Variants in TANGO6 observed in about 807,000 individuals in gnomAD.
TANGO6 encodes the protein transport and Golgi organization protein 6 homolog.
TANGO6 carries 90 observed loss-of-function variants against 114.2 expected under a neutral mutation model. The observed-to-expected ratio is 0.79, with a 90% CI of 0.66 to 0.94. The LOEUF (loss-of-function observed/expected upper bound fraction) is 0.94. Ranked by LOEUF, TANGO6 falls within the 40% of genes least tolerant of loss-of-function variation. The pLI, the probability that TANGO6 is intolerant of heterozygous loss-of-function variation, is 0.00. For missense variants in TANGO6, 1,274 were observed against 1,315.3 expected, an observed-to-expected ratio of 0.97 and a Z score of 0.49; for synonymous variants, 477 against 509.8, an observed-to-expected ratio of 0.94 and a Z score of 0.87.
chr16:69,020,990 C>T (rs1959396857), intron 15 of TANGO6, among the ~76,000 whole-genome samples: 1 of 151,258 alleles, frequency 6.6e-6, no homozygotes, highest in South Asian at 2.1e-4. Context: ...CTACTGTTGT[C>T]TTTCCAGCTA....
At position 68,928,021 on chromosome 16, in the gene TANGO6, C is replaced by G. The variant is rs778832547; in HGVS notation, c.2581C>G (p.Leu861Val). ...AACACGGGCTGCTGCCCTGCGTACT[C>G]TTTCCCACTGGATAGAGCAGAGAGA... ...IPTRAAALRT[L>V]SHWIEQREAK... Residue 861 changes from leucine to valine, a missense_variant, in exon 13 of 18, where the codon CTT becomes GTT. Around this residue, in one of 5 missense-constraint regions of TANGO6, gnomAD observed 908 missense variants for 910.2 expected, o/e 1.00. Transcript: ENST00000261778. 3 of 1,607,736 alleles carry G rather than the reference C, an allele frequency of 1.9e-6. No individual in the cohort carries two copies. Among genetic ancestry groups the G allele is most frequent in the Non-Finnish European group, 2.5e-6 (3 of 1,176,958 alleles).
intron 17 of TANGO6, among the ~76,000 whole-genome samples, chr16:69,051,991 T>A (rs1022629038): frequency 6.8e-6 from 1 of 148,106 alleles, no homozygotes; most frequent in Non-Finnish European, 1.5e-5. Context: ...TCGACCCAGG[T>A]GGGAGTGGTG....
intron 3 of TANGO6, among the ~76,000 whole-genome samples, chr16:68,865,891 C>T (rs1962169597): frequency 6.6e-6 from 1 of 151,908 alleles, no homozygotes; most frequent in African/African-American, 2.4e-5. Flanking sequence ...GCTCTCCAGC[C>T]TGGGCAACAG....
chr16:68,932,274 G>C (rs1963252554), intron 14 of TANGO6, among the ~76,000 whole-genome samples: 1 of 151,988 alleles, frequency 6.6e-6, no homozygotes, highest in South Asian at 2.1e-4. Context: ...ATTTTTAGTA[G>C]AGACGGGGGT....
At position 68,902,344 on chromosome 16, in the gene TANGO6, ATCT is replaced by A. The variant is rs773955932; in HGVS notation, c.1509_1511del (p.Leu505del). On this transcript the variant is annotated inframe_deletion, in exon 9 of 18. Transcript: ENST00000261778. ...TTCTGCCAGGTCACTTTGCCAAGAAATCTTATTATGGATTCTGGGGAAGCTGGA... is the reference window on the plus strand; with the variant it reads ...TTCTGCCAGGTCACTTTGCCAAGAAATATTATGGATTCTGGGGAAGCTGGA... 6 of 1,610,208 alleles carry A rather than the reference ATCT, an allele frequency of 3.7e-6. No homozygotes were observed. The East Asian group carries it at 1.3e-4, about 36-fold the overall frequency.
At chr16:69,062,065 C>G (rs998223410) in intron 17 of TANGO6, among the ~76,000 whole-genome samples, 1 of 152,164 alleles carries the variant, frequency 6.6e-6, no homozygotes. Context: ...GTGACTTTCT[C>G]TATCTTCAGA....
chr16:69,015,769 C>T (rs539013688), intron 15 of TANGO6, among the ~76,000 whole-genome samples: 4 of 152,046 alleles, frequency 2.6e-5, no homozygotes, highest in Non-Finnish European at 5.9e-5. Context: ...CATGAGCCAC[C>T]GCACCTGGCC....
chr16:69,058,384 T>C (rs1960065296), intron 17 of TANGO6, among the ~76,000 whole-genome samples: 2 of 152,226 alleles, frequency 1.3e-5, no homozygotes, highest in Non-Finnish European at 1.5e-5. Flanking sequence ...ATTCTTTACA[T>C]TATTATCTCA....
At chr16:68,868,566 T>C (rs1374341199) in intron 4 of TANGO6, among the ~76,000 whole-genome samples, 1 of 149,880 alleles carries the variant, frequency 6.7e-6, no homozygotes, top group East Asian at 2.0e-4. Flanking sequence ...GGCGTGATCT[T>C]GGCTCATTGC....
Position 68,927,880 on chromosome 16 carries a change from C to T in TANGO6, c.2440C>T (p.Pro814Ser), listed in dbSNP as rs1434073282. ...APQTGLQSNAPIIPQGVNEPS... is the reference protein window; with the variant it reads ...APQTGLQSNASIIPQGVNEPS... ...CCAGACAGGCCTGCAGTCAAATGCT[C>T]CAATCATTCCTCAAGGAGTCAATGA... Residue 814 changes from proline to serine, a missense_variant, in exon 13 of 18, where the codon CCA (proline) becomes TCA (serine). Transcript: ENST00000261778. 6.2e-7 allele frequency: 1 copy of T among 1,613,930 alleles called. No homozygotes were observed. The highest frequency in any genetic ancestry group is 8.5e-7 in the Non-Finnish European group (1 of 1,179,838).
chr16:69,052,274 T>C (rs1351245677), intron 17 of TANGO6, among the ~76,000 whole-genome samples: 1 of 149,478 alleles, frequency 6.7e-6, no homozygotes, highest in Non-Finnish European at 1.5e-5. Context: ...CTTTTCTTTT[T>C]TTTTTTTTTT....
chr16:68,945,611 A>G (rs1201279330), intron 14 of TANGO6, among the ~76,000 whole-genome samples: 1 of 151,986 alleles, frequency 6.6e-6, no homozygotes, highest in Non-Finnish European at 1.5e-5. Context: ...ACTCATGACT[A>G]GTGATGTTGA....
chr16:68,939,376 G>A lies in TANGO6; in HGVS notation c.2701+9081G>A, dbSNP rs1963329531. On this transcript the variant is annotated intron_variant, in intron 14 of 17. Coordinates refer to ENST00000261778, the MANE Select transcript of TANGO6 (RefSeq NM_024562.2). ...TTGCACTTCAGCCTGGGGAACAAGA[G>A]TGAGACTTTGTCTCAAAAACAAAAA... Among the ~76,000 whole-genome samples the A allele has an allele frequency of 2.0e-5, 3 of 152,222 alleles. No homozygotes were observed. In the South Asian group the frequency reaches 6.2e-4, roughly 32 times the overall value.
Position 69,054,889 on chromosome 16 carries a change from C to T in TANGO6, c.3108+14468C>T, listed in dbSNP as rs901738111. 4.8e-4 allele frequency among the ~76,000 whole-genome samples: 68 copies of T among 142,254 alleles called. 1 individual carries two copies. The highest frequency in any genetic ancestry group is 2.1e-3 in the Admixed American group (28 of 13,236). The allele number at this position is 142,254 out of a possible 152,430, so 93.3% of individuals were successfully genotyped here. ...CCGGGAGGCGGAGCTTGCAGTGAGC[C>T]GAGATCAAGCCACTGCACTCCAGCC... On this transcript the variant is annotated intron_variant, in intron 17 of 17. Coordinates refer to ENST00000261778, the MANE Select transcript of TANGO6 (RefSeq NM_024562.2).
In TANGO6 at chr16:68,900,324, G is replaced by A. The variant is rs946304017; in HGVS notation, c.1378-110G>A. 2.6e-5 allele frequency: 21 copies of A among 798,452 alleles called. No homozygotes were observed. The Admixed American group carries it at 3.4e-4, about 13-fold the overall frequency. The allele number at this position is 798,452 out of a possible 1,614,324, so 49.5% of individuals were successfully genotyped here. A position where few individuals can be genotyped will look rare whatever the true frequency, so the allele number is the denominator to read the frequency against. On this transcript the variant is annotated intron_variant, in intron 7 of 17. Transcript: ENST00000261778. ...CTTTGGAGCTAAAATGGTGTGATTC[G>A]GATGAGATATTGCTTAAGACGCTGA...
chr16:69,069,103 G>A (rs1236625839), intron 17 of TANGO6, among the ~76,000 whole-genome samples: 1 of 152,148 alleles, frequency 6.6e-6, no homozygotes, highest in African/African-American at 2.4e-5. Flanking sequence ...GATCACTGGG[G>A]TTCCTAGAAG....
At position 68,872,758 on chromosome 16, in the gene TANGO6, G is replaced by A. The variant is rs573306434; in HGVS notation, c.995-2396G>A. On this transcript the variant is annotated intron_variant, in intron 4 of 17. Coordinates refer to ENST00000261778, the MANE Select transcript of TANGO6 (RefSeq NM_024562.2). ...ACTTCCCAGGCTGGAATGCAGTGGC[G>A]CGATCTCGGCTCACTACAGCTTGCG... Among the ~76,000 whole-genome samples, 11 of 150,606 alleles carry A rather than the reference G, an allele frequency of 7.3e-5. No individual in the cohort carries two copies. In the East Asian group the frequency reaches 1.2e-3, roughly 16 times the overall value.
intron 1 of TANGO6, among the ~76,000 whole-genome samples, chr16:68,854,693 G>C (rs1433613819): frequency 6.7e-6 from 1 of 149,970 alleles, no homozygotes; most frequent in Non-Finnish European, 1.5e-5. Flanking sequence ...TTCTTTCCCA[G>C]TTGTATTGAT....
At chr16:69,083,221 C>T (rs551760941) in intron 17 of TANGO6, among the ~76,000 whole-genome samples, 4 of 151,796 alleles carry the variant, frequency 2.6e-5, no homozygotes, top group South Asian at 4.2e-4. Context: ...CCACCACACC[C>T]GGCTGATTTT....
Sources: allele counts gnomAD v4.1 joint callset (sites outside exome capture counted in the v4.1 genomes callset), GRCh38; gene constraint gnomAD v4.1.1; regional missense constraint gnomAD v4.1.1; transcripts MANE v1.5; gene names NCBI Gene and HGNC (gene_info 2026-07-23, HGNC 2026-07-21).